Variants in MEOX2 observed in about 807,000 individuals in gnomAD.
MEOX2 encodes the protein homeobox protein MOX-2.
A neutral mutation model predicts 27.0 loss-of-function variants in MEOX2; 11 were observed. That is an observed-to-expected ratio of 0.41 (90% CI 0.26 to 0.68). MEOX2 has a LOEUF of 0.68. Among genes scored for constraint, MEOX2 ranks in the 30% least tolerant of loss-of-function variants. MEOX2 has a pLI of 0.33. For missense variants in MEOX2, 436 were observed against 385.4 expected, an observed-to-expected ratio of 1.13 and a Z score of -1.10; for synonymous variants, 189 against 155.4, an observed-to-expected ratio of 1.22 and a Z score of -1.61.
Position 15,671,066 on chromosome 7 carries a change from G to T in MEOX2, c.517+14820C>A, listed in dbSNP as rs557847287. Among the ~76,000 whole-genome samples the T allele has an allele frequency of 2.0e-5, 3 of 152,140 alleles. No homozygotes were observed. In the South Asian group the frequency reaches 6.2e-4, roughly 31 times the overall value. ...GTGTTGATAAACATTGAACATAATG[G>T]ACACAGGGAAGTCCATTACACAATT... On this transcript the variant is annotated intron_variant, in intron 1 of 2. Transcript: ENST00000262041.
At chr7:15,666,979 G>A (rs1319787018) in intron 1 of MEOX2, among the ~76,000 whole-genome samples, 4 of 150,228 alleles carry the variant, frequency 2.7e-5, no homozygotes, top group African/African-American at 9.8e-5. Context: ...AGATATTCAT[G>A]TACTCATCAG....
At chr7:15,644,678 C>A (rs1010416752) in intron 1 of MEOX2, among the ~76,000 whole-genome samples, 2 of 152,106 alleles carry the variant, frequency 1.3e-5, no homozygotes, top group Non-Finnish European at 2.9e-5. Context: ...AATGCAAACC[C>A]GGCCTTGAAA....
intron 2 of MEOX2, among the ~76,000 whole-genome samples, chr7:15,619,745 CAG>C (rs998588438): frequency 4.0e-5 from 6 of 151,812 alleles, no homozygotes; most frequent in Admixed American, 6.6e-5. Flanking sequence ...TAAAAGAAAA[CAG>C]ATTATATATT....
chr7:15,654,386 G>T (rs1393357473), intron 1 of MEOX2, among the ~76,000 whole-genome samples: 3 of 151,222 alleles, frequency 2.0e-5, no homozygotes, highest in African/African-American at 2.4e-5. Flanking sequence ...CTTCCTTTCT[G>T]ATCTGTATGC....
chr7:15,654,189 T>C (rs1278939328), intron 1 of MEOX2, among the ~76,000 whole-genome samples: 2 of 151,968 alleles, frequency 1.3e-5, no homozygotes, highest in Non-Finnish European at 2.9e-5. Flanking sequence ...GTTTTAATTT[T>C]AGAGTACATG....
At chr7:15,637,482 G>A (rs1206349357) in intron 1 of MEOX2, among the ~76,000 whole-genome samples, 1 of 151,630 alleles carries the variant, frequency 6.6e-6, no homozygotes, top group Non-Finnish European at 1.5e-5. Context: ...CACAAAAAGA[G>A]GATGTGCTTA....
chr7:15,686,210 G>T lies in MEOX2; in HGVS notation c.193C>A (p.His65Asn). 1.2e-6 allele frequency: 2 copies of T among 1,609,854 alleles called. No individual in the cohort carries two copies. Among genetic ancestry groups the T allele is most frequent in the East Asian group, 2.2e-5 (1 of 44,676 alleles). Residue 65 changes from histidine to asparagine, a missense_variant, in exon 1 of 3, where the codon CAC becomes AAC. His to Asn is a moderately conservative substitution (Grantham distance 68, BLOSUM62 1). Coordinates refer to ENST00000262041, the MANE Select transcript of MEOX2 (RefSeq NM_005924.5). ...NEEGMFASQH[H>N]RGHHHHHHHH... Reference sequence around the variant, plus strand: ...TGGTGGTGGTGGTGGTGCCCCCTGTGATGCTGGCTGGCAAACATGCCCTCT... The same window carrying T: ...TGGTGGTGGTGGTGGTGCCCCCTGTTATGCTGGCTGGCAAACATGCCCTCT...
chr7:15,641,677 T>C (rs1316740248), intron 1 of MEOX2, among the ~76,000 whole-genome samples: 1 of 152,166 alleles, frequency 6.6e-6, no homozygotes, highest in African/African-American at 2.4e-5. Context: ...AGTTGCTTTG[T>C]AGTCCCAATT....
intron 1 of MEOX2, among the ~76,000 whole-genome samples, chr7:15,672,375 A>C (rs2115391426): frequency 6.6e-6 from 1 of 152,308 alleles, no homozygotes; most frequent in East Asian, 1.9e-4. Context: ...ATAGAATCTT[A>C]TGTCTTACTT....
At chr7:15,625,348 A>T (rs1781286866) in intron 2 of MEOX2, among the ~76,000 whole-genome samples, 1 of 152,146 alleles carries the variant, frequency 6.6e-6, no homozygotes, top group Non-Finnish European at 1.5e-5. Flanking sequence ...TTGTATGTGA[A>T]GTCTAAGGGA....
At chr7:15,685,362 A>T (rs1461396677) in intron 1 of MEOX2, among the ~76,000 whole-genome samples, 1 of 152,216 alleles carries the variant, frequency 6.6e-6, no homozygotes, top group East Asian at 1.9e-4. Flanking sequence ...TTAAAAAAAA[A>T]AAACTGAAAC....
chr7:15,641,454 T>C (rs1394363488), intron 1 of MEOX2, among the ~76,000 whole-genome samples: 1 of 152,118 alleles, frequency 6.6e-6, no homozygotes, highest in Non-Finnish European at 1.5e-5. Flanking sequence ...TCTCTTTCCT[T>C]TTCTGTTTGC....
At position 15,612,631 on chromosome 7, in the gene MEOX2, C is replaced by G. The variant is rs772541981; in HGVS notation, c.691-20G>C. The G allele has an allele frequency of 1.3e-6, 2 of 1,599,734 alleles. No homozygotes were observed. Among genetic ancestry groups the G allele is most frequent in the South Asian group, 1.1e-5 (1 of 90,766 alleles). On this transcript the variant is annotated intron_variant, in intron 2 of 2. Transcript: ENST00000262041. ...TTTCACCTTCAACCAAGAAAGGGAA[C>G]AAACAAACAGAAAAAAAGAGATAAT... is the stretch of plus-strand genomic sequence containing the variant.
intron 2 of MEOX2, among the ~76,000 whole-genome samples, chr7:15,618,578 T>G (rs1320194615): frequency 6.6e-6 from 1 of 152,106 alleles, no homozygotes; most frequent in Admixed American, 6.6e-5. Context: ...GTATAACTTA[T>G]CGAATATAAA....
chr7:15,614,642 C>A (rs965787987), intron 2 of MEOX2, among the ~76,000 whole-genome samples: 1 of 152,050 alleles, frequency 6.6e-6, no homozygotes, highest in African/African-American at 2.4e-5. Context: ...GTATTCTGTT[C>A]TGTTCCTTTA....
chr7:15,645,613 G>A (rs912186388), intron 1 of MEOX2, among the ~76,000 whole-genome samples: 2 of 151,990 alleles, frequency 1.3e-5, no homozygotes, highest in Non-Finnish European at 2.9e-5. Context: ...TAAAGAATTG[G>A]TTGGTAAAAA....
At chr7:15,637,038 T>C (rs761931139) in intron 1 of MEOX2, among the ~76,000 whole-genome samples, 36 of 152,214 alleles carry the variant, frequency 2.4e-4, no homozygotes, top group Non-Finnish European at 5.0e-4. Flanking sequence ...ACCATAGAAT[T>C]ATCCATTTAT....
At chr7:15,623,408 C>T (rs1224509313) in intron 2 of MEOX2, among the ~76,000 whole-genome samples, 1 of 152,118 alleles carries the variant, frequency 6.6e-6, no homozygotes, top group Non-Finnish European at 1.5e-5. Context: ...CTCACTTTGT[C>T]ACCCAGGCAG....
chr7:15,678,448 T>C (rs1266524043), intron 1 of MEOX2, among the ~76,000 whole-genome samples: 1 of 152,238 alleles, frequency 6.6e-6, no homozygotes, highest in African/African-American at 2.4e-5. Flanking sequence ...AATAGTTTCC[T>C]GTTTGTGTTA....
Sources: gnomAD v4.1 joint callset for allele counts (sites outside exome capture counted in the v4.1 genomes callset) on GRCh38, gnomAD v4.1.1 for gene constraint, MANE v1.5 for transcripts, NCBI Gene and HGNC (gene_info 2026-07-23, HGNC 2026-07-21) for gene names.